FBXO41: variants seen among roughly 807,000 people sequenced by gnomAD.
FBXO41 encodes F-box protein 41, also known as F-box only protein 41.
A neutral mutation model predicts 81.6 loss-of-function variants in FBXO41; 33 were observed. The observed-to-expected ratio is 0.40, with a 90% CI of 0.31 to 0.54. The LOEUF is 0.54. Among genes scored for constraint, FBXO41 ranks in the 20% least tolerant of loss-of-function variants. The probability of loss-of-function intolerance (pLI) is 0.39; values close to 1 mark genes in which losing one functional copy is unlikely to be tolerated. For synonymous variants in FBXO41, 576 were observed against 552.7 expected (o/e 1.04, Z -0.59); for missense variants, 1,107 against 1,236.0 (o/e 0.90, Z 1.56).
In FBXO41 at chr2:73,256,283, TC is replaced by T. The variant is rs2103833332; in HGVS notation, c.*2698del. 1 of 152,340 alleles carries T rather than the reference TC, an allele frequency of 6.6e-6. No individual in the cohort carries two copies. Among genetic ancestry groups the T allele is most frequent in the African/African-American group, 2.4e-5 (1 of 41,540 alleles). The allele number at this position is 152,340 out of a possible 1,614,324, so 9.4% of individuals were successfully genotyped here. Reference sequence around the variant, plus strand: ...CTTCTAGGGATAGCCAGGCCCTCTGTCCCTGTTCCCATCCTCAGCCCTAGCT... The same window carrying T: ...CTTCTAGGGATAGCCAGGCCCTCTGTCCTGTTCCCATCCTCAGCCCTAGCT... On this transcript the variant is annotated 3_prime_UTR_variant, in exon 13 of 13. Coordinates refer to ENST00000520530, the MANE Select transcript of FBXO41 (RefSeq NM_001371389.2).
chr2:73,269,617 TC>T lies in FBXO41; in HGVS notation c.13del (p.Asp5ThrfsTer218). ...GCAGCGGGGGCAGCGGTACGGCAGG[TC>T]CAGCGAGGCCATGGCCCCGCCGCCC... is the stretch of plus-strand genomic sequence containing the variant. MASLDLPYRCPRCGE... is the reference protein window; with the variant it reads MASLXLPYRCPRCGE... On this transcript the variant is annotated frameshift_variant, in exon 2 of 13. Transcript: ENST00000520530. LOFTEE classifies it high-confidence loss of function. This position sits in a 1 kb window ranked among gnomAD's most constrained non-coding sequence, Gnocchi z 7.0. The T allele has an allele frequency of 1.6e-6, 2 of 1,263,032 alleles. No individual in the cohort carries two copies. Among genetic ancestry groups the T allele is most frequent in the South Asian group, 2.1e-5 (1 of 48,252 alleles). The allele number at this position is 1,263,032 out of a possible 1,614,324, so 78.2% of individuals were successfully genotyped here. A position where few individuals can be genotyped will look rare whatever the true frequency, so the allele number is the denominator to read the frequency against.
chr2:73,259,733 G>C lies in FBXO41; in HGVS notation c.2450-437C>G, dbSNP rs375745795. Reference sequence around the variant, plus strand: ...ATATGTCGTGAAGTCGGGGGAGGTAGAGGAAGATCAGGCGACTGAGAAGGG... The same window carrying C: ...ATATGTCGTGAAGTCGGGGGAGGTACAGGAAGATCAGGCGACTGAGAAGGG... On this transcript the variant is annotated intron_variant, in intron 11 of 12. Coordinates refer to ENST00000520530, the MANE Select transcript of FBXO41 (RefSeq NM_001371389.2). This position sits in a 1 kb window ranked among gnomAD's most constrained non-coding sequence, Gnocchi z 4.2. Among the ~76,000 whole-genome samples, 4 of 152,328 alleles carry C rather than the reference G, an allele frequency of 2.6e-5. 1 individual carries two copies. Among genetic ancestry groups the C allele is most frequent in the Admixed American group, 1.3e-4 (2 of 15,310 alleles).
In FBXO41 at chr2:73,269,133, C is replaced by G. The variant is rs1365010182; in HGVS notation, c.498G>C (p.Ser166=). The G allele has an allele frequency of 4.6e-6, 7 of 1,519,436 alleles. No individual in the cohort carries two copies. Among genetic ancestry groups the G allele is most frequent in the Non-Finnish European group, 5.3e-6 (6 of 1,139,974 alleles). The allele number at this position is 1,519,436 out of a possible 1,614,324, so 94.1% of individuals were successfully genotyped here. The part of the protein sequence containing the change: ...ELFARKSVAS[S]ACSTPPPGPG... ...GGCCAGGCGGCGGCGTCGAGCACGC[C>G]GAGGACGCCACGGACTTGCGGGCGA... The change falls in exon 2 of 13, where the codon TCG becomes TCC. Residue 166 remains serine (S), a synonymous_variant. Coordinates refer to ENST00000520530, the MANE Select transcript of FBXO41 (RefSeq NM_001371389.2). The surrounding 1 kb of genome is among the most constrained non-coding windows in gnomAD (Gnocchi z 7.0).
In FBXO41 at chr2:73,260,808, C is replaced by T. The variant is rs1447584689; in HGVS notation, c.2222G>A (p.Cys741Tyr). The T allele has an allele frequency of 5.7e-6, 9 of 1,569,594 alleles. No individual in the cohort carries two copies. Among genetic ancestry groups the T allele is most frequent in the Admixed American group, 1.9e-5 (1 of 53,340 alleles). Residue 741 changes from cysteine to tyrosine, a missense_variant, in exon 10 of 13, where the codon TGT becomes TAT. Around this residue, in one of 2 missense-constraint regions of FBXO41, gnomAD observed 336 missense variants for 446.7 expected, o/e 0.75. Transcript: ENST00000520530. The surrounding 1 kb of genome is among the most constrained non-coding windows in gnomAD (Gnocchi z 5.0). ...CCCCAGGGCCCGCAGGTGGGGCCAA[C>T]AGCGACCAATCATCTGCAGGCAGCG... is the stretch of plus-strand genomic sequence containing the variant. ...SNRCLQMIGRCWPHLRALGVG... is the reference protein window; with the variant it reads ...SNRCLQMIGRYWPHLRALGVG...
At chr2:73,267,126 C>T (rs1327390451) in intron 2 of FBXO41, among the ~76,000 whole-genome samples, 1 of 152,178 alleles carries the variant, frequency 6.6e-6, no homozygotes, top group Non-Finnish European at 1.5e-5. Flanking sequence ...CATCCCAACA[C>T]AGAACACTCC....
chr2:73,258,638 A>G lies in FBXO41; in HGVS notation c.*344T>C, dbSNP rs1440919157. On this transcript the variant is annotated 3_prime_UTR_variant, in exon 13 of 13. Coordinates refer to ENST00000520530, the MANE Select transcript of FBXO41 (RefSeq NM_001371389.2). ...TCAGGAAGGAGAGGCCAGCCAGAAC[A>G]GCTGAGGAGCCACTGGGTGGTTATT... The G allele has an allele frequency of 3.6e-6, 1 of 281,536 alleles. No individual in the cohort carries two copies. Among genetic ancestry groups the G allele is most frequent in the African/African-American group, 2.2e-5 (1 of 46,040 alleles). 17.4% of individuals were successfully genotyped at this position (281,536 alleles called of 1,614,324 possible).
Position 73,269,471 on chromosome 2 carries a change from C to A in FBXO41, c.160G>T (p.Ala54Ser), listed in dbSNP as rs936828793. 1.6e-6 allele frequency: 2 copies of A among 1,268,860 alleles called. No homozygotes were observed. Among genetic ancestry groups the A allele is most frequent in the Non-Finnish European group, 2.0e-6 (2 of 1,005,354 alleles). The allele number at this position is 1,268,860 out of a possible 1,614,324, so 78.6% of individuals were successfully genotyped here. Residue 54 changes from alanine (A) to serine (S), a missense_variant, in exon 2 of 13, where the codon GCC (alanine) becomes TCC (serine). By Grantham distance (99) the Ala-to-Ser change is moderately conservative (BLOSUM62 1). Transcript: ENST00000520530. The surrounding 1 kb of genome is among the most constrained non-coding windows in gnomAD (Gnocchi z 7.0). Reference protein sequence around the residue: ...TNSICDGAAAAAAAAAAASGF... With the variant: ...TNSICDGAAASAAAAAAASGF... ...GAGGCAGCGGCGGCGGCGGCCGCGG[C>A]GGCGGCGGCGCCGTCGCAGATGCTG...
In FBXO41 at chr2:73,263,084, A is replaced by G. The variant is rs577934890; in HGVS notation, c.2171+129T>C. ...TTAAAGCCCTGCTCCTAATGCCTCA[A>G]TGGACAGATTAATGTGTGTGGATCT... On this transcript the variant is annotated intron_variant, in intron 9 of 12. Transcript: ENST00000520530. 16 of 709,268 alleles carry G rather than the reference A, an allele frequency of 2.3e-5. No individual in the cohort carries two copies. In the African/African-American group the frequency reaches 2.4e-4, roughly 11 times the overall value. 43.9% of individuals were successfully genotyped at this position (709,268 alleles called of 1,614,324 possible).
Position 73,265,585 on chromosome 2 carries a change from T to A in FBXO41, c.1261A>T (p.Ser421Cys). The A allele has an allele frequency of 6.5e-7, 1 of 1,542,646 alleles. No individual in the cohort carries two copies. ...SQSSGCYDSD[S>C]LELPRPEEGA... Reference sequence around the variant, plus strand: ...TCCTCTGGCCTGGGCAGCTCCAGACTGTCACTGTCATAGCAGCCTGAGCTC... The same window carrying A: ...TCCTCTGGCCTGGGCAGCTCCAGACAGTCACTGTCATAGCAGCCTGAGCTC... Residue 421 changes from serine to cysteine, a missense_variant, in exon 5 of 13, where the codon AGT becomes TGT. By Grantham distance (112) the Ser-to-Cys change is moderately radical. This residue lies in a region of FBXO41 where 771 missense variants were observed against 789.2 expected (regional missense o/e 0.98). Coordinates refer to ENST00000520530, the MANE Select transcript of FBXO41 (RefSeq NM_001371389.2).
chr2:73,280,110 C>CG (rs1688805795), intron 1 of FBXO41, among the ~76,000 whole-genome samples: 1 of 151,794 alleles, frequency 6.6e-6, no homozygotes, highest in African/African-American at 2.4e-5. Flanking sequence ...GGATAGCGAC[C>CG]CCCCCTGCCC....
chr2:73,281,368 A>G (rs1688843494), intron 1 of FBXO41, among the ~76,000 whole-genome samples: 1 of 152,220 alleles, frequency 6.6e-6, no homozygotes, highest in Non-Finnish European at 1.5e-5. Flanking sequence ...CACTTGCCCA[A>G]GGAAGGCCTG....
In FBXO41 at chr2:73,284,297, G is replaced by T. The variant is rs1344155120; in HGVS notation, c.-276C>A. 6.6e-6 allele frequency: 1 copy of T among 152,040 alleles called. No homozygotes were observed. The highest frequency in any genetic ancestry group is 1.5e-5 in the Non-Finnish European group (1 of 68,006). 9.4% of individuals were successfully genotyped at this position (152,040 alleles called of 1,614,324 possible). On this transcript the variant is annotated 5_prime_UTR_variant, in exon 1 of 13. Transcript: ENST00000520530. This position sits in a 1 kb window ranked among gnomAD's most constrained non-coding sequence, Gnocchi z 7.4. Reference sequence around the variant, plus strand: ...CCCTCCGCAGCCTTGGGTGGCCGCCGCGGCTAGCGCCCCCGCCTCCCTCTC... The same window carrying T: ...CCCTCCGCAGCCTTGGGTGGCCGCCTCGGCTAGCGCCCCCGCCTCCCTCTC...
chr2:73,270,444 ACC>A (rs939964157), intron 1 of FBXO41, among the ~76,000 whole-genome samples: 1 of 152,066 alleles, frequency 6.6e-6, no homozygotes, highest in Non-Finnish European at 1.5e-5. Context: ...TGCAGACTGC[ACC>A]CCCACACAGG....
At chr2:73,276,944 G>A (rs556791412) in intron 1 of FBXO41, among the ~76,000 whole-genome samples, 2 of 152,328 alleles carry the variant, frequency 1.3e-5, no homozygotes, top group Admixed American at 6.5e-5. Context: ...CAGGGTATCT[G>A]TGTGTATCTG....
Position 73,268,758 on chromosome 2 carries a change from C to A in FBXO41, c.873G>T (p.Val291=), listed in dbSNP as rs1254828252. The part of the protein sequence containing the change: ...ELLASLKQDL[V]HKEQELSRKQ... Reference sequence around the variant, plus strand: ...TGCGGCTCAGCTCCTGTTCCTTGTGCACCAGGTCCTGCTTGAGTGAGGCCA... The same window carrying A: ...TGCGGCTCAGCTCCTGTTCCTTGTGAACCAGGTCCTGCTTGAGTGAGGCCA... Residue 291 remains valine (V), a synonymous_variant, in exon 2 of 13, where the codon GTG becomes GTT. Coordinates refer to ENST00000520530, the MANE Select transcript of FBXO41 (RefSeq NM_001371389.2). 6.4e-7 allele frequency: 1 copy of A among 1,567,026 alleles called. No homozygotes were observed. Among genetic ancestry groups the A allele is most frequent in the Non-Finnish European group, 8.7e-7 (1 of 1,154,338 alleles).
chr2:73,282,205 G>A (rs1688867267), intron 1 of FBXO41, among the ~76,000 whole-genome samples: 1 of 152,122 alleles, frequency 6.6e-6, no homozygotes, highest in Non-Finnish European at 1.5e-5. Flanking sequence ...TGTTGGTCAG[G>A]CTGGTCTCGA....
chr2:73,283,168 C>G (rs1445278328), intron 1 of FBXO41, among the ~76,000 whole-genome samples: 3 of 152,200 alleles, frequency 2.0e-5, no homozygotes, highest in Non-Finnish European at 4.4e-5. Flanking sequence ...CATTATACCC[C>G]TATTAGGCCC....
At chr2:73,271,845 A>C (rs1257169557) in intron 1 of FBXO41, among the ~76,000 whole-genome samples, 1 of 151,954 alleles carries the variant, frequency 6.6e-6, no homozygotes, top group Non-Finnish European at 1.5e-5. Context: ...TGGCCAGGCT[A>C]CTCTCAAACT....
rs564745138 is a variant in FBXO41, at chr2:73,266,788, G to A, written c.906-106C>T. ...GGGAGACACTGGCACAGCTGCCTGC[G>A]GTGTCTGCTTATGGTCACATGGGTT... On this transcript the variant is annotated intron_variant, in intron 2 of 12. Coordinates refer to ENST00000520530, the MANE Select transcript of FBXO41 (RefSeq NM_001371389.2). This position sits in a 1 kb window ranked among gnomAD's most constrained non-coding sequence, Gnocchi z 5.3. 1.9e-4 allele frequency: 276 copies of A among 1,419,874 alleles called. 1 individual carries two copies. In the African/African-American group the frequency reaches 3.5e-3, roughly 18 times the overall value. The allele number at this position is 1,419,874 out of a possible 1,614,324, so 88.0% of individuals were successfully genotyped here.
Sources: allele counts gnomAD v4.1 joint callset (sites outside exome capture counted in the v4.1 genomes callset), GRCh38; gene constraint gnomAD v4.1.1; regional missense constraint gnomAD v4.1.1; non-coding constraint Gnocchi (gnomAD v3.1); transcripts MANE v1.5; gene names NCBI Gene and HGNC (gene_info 2026-07-23, HGNC 2026-07-21).